CALN1: variants seen among roughly 807,000 people sequenced by gnomAD.
CALN1 encodes calneuron 1.
A neutral mutation model predicts 30.6 loss-of-function variants in CALN1; 17 were observed. That is an observed-to-expected ratio of 0.56 (90% CI 0.38 to 0.83). The LOEUF is 0.83. CALN1 is among the 40% of genes least tolerant of loss of function. The pLI, the probability that CALN1 is intolerant of heterozygous loss-of-function variation, is 0.00. For missense variants in CALN1, 291 were observed against 354.9 expected (o/e 0.82, Z 1.45); for synonymous variants, 156 against 131.4 (o/e 1.19, Z -1.28).
intron 5 of CALN1, among the ~76,000 whole-genome samples, chr7:72,013,251 T>A (rs1800191599): frequency 7.1e-6 from 1 of 141,466 alleles, no homozygotes; most frequent in Non-Finnish European, 1.5e-5. Flanking sequence ...TTTGAGATTT[T>A]TTTTTTTTTT....
chr7:72,390,535 G>C (rs539605614), intron 2 of CALN1, among the ~76,000 whole-genome samples: 2 of 152,214 alleles, frequency 1.3e-5, no homozygotes, highest in African/African-American at 4.8e-5. Context: ...GAATTCAAGA[G>C]GTCCACAAAT....
intron 5 of CALN1, among the ~76,000 whole-genome samples, chr7:72,016,476 G>A (rs1800386223): frequency 1.3e-5 from 2 of 151,362 alleles, no homozygotes; most frequent in Admixed American, 1.3e-4. Context: ...TCCCTCTGTT[G>A]ACCAGGCAAG....
intron 5 of CALN1, among the ~76,000 whole-genome samples, chr7:71,859,084 G>T (rs1211372491): frequency 1.3e-5 from 2 of 151,910 alleles, no homozygotes; most frequent in African/African-American, 4.8e-5. Flanking sequence ...TGTTTTTGGA[G>T]ACAGAGTTTT....
At chr7:71,900,031 C>A (rs1793762954) in intron 5 of CALN1, among the ~76,000 whole-genome samples, 1 of 152,134 alleles carries the variant, frequency 6.6e-6, no homozygotes, top group Non-Finnish European at 1.5e-5. Context: ...TAAAAACTTG[C>A]TAGACTTGTC....
intron 2 of CALN1, among the ~76,000 whole-genome samples, chr7:72,387,961 G>C (rs1805339907): frequency 6.6e-6 from 1 of 152,122 alleles, no homozygotes; most frequent in Non-Finnish European, 1.5e-5. Flanking sequence ...GTGTTCTATT[G>C]CACAGTAAAG....
chr7:72,431,995 G>A (rs568505748), intron 1 of CALN1, among the ~76,000 whole-genome samples: 7 of 152,218 alleles, frequency 4.6e-5, no homozygotes, highest in South Asian at 4.2e-4. Flanking sequence ...GAGACTGTTC[G>A]GGACACTATT....
intron 5 of CALN1, among the ~76,000 whole-genome samples, chr7:71,953,604 TTCATAATAGC>T (rs1288290580): frequency 3.3e-5 from 5 of 152,172 alleles, no homozygotes; most frequent in Non-Finnish European, 5.9e-5. Flanking sequence ...GCATTTTACC[TTCATAATAGC>T]TCTTTTGAGA....
At chr7:71,970,484 C>T (rs1584640067) in intron 5 of CALN1, among the ~76,000 whole-genome samples, 1 of 152,072 alleles carries the variant, frequency 6.6e-6, no homozygotes, top group African/African-American at 2.4e-5. Flanking sequence ...AAAGGCTATA[C>T]CAAGAAGACA....
chr7:72,268,972 A>C (rs1796782777), intron 3 of CALN1, among the ~76,000 whole-genome samples: 1 of 152,212 alleles, frequency 6.6e-6, no homozygotes, highest in Non-Finnish European at 1.5e-5. Context: ...AGGCAGCACA[A>C]GATTACAATT....
chr7:71,848,481 A>C (rs966458821), intron 5 of CALN1, among the ~76,000 whole-genome samples: 1 of 152,210 alleles, frequency 6.6e-6, no homozygotes, highest in Non-Finnish European at 1.5e-5. Flanking sequence ...CAGGAAAATA[A>C]AACCCCGTAG....
intron 1 of CALN1, among the ~76,000 whole-genome samples, chr7:72,436,427 C>T (rs974583942): frequency 6.6e-6 from 1 of 152,178 alleles, no homozygotes; most frequent in African/African-American, 2.4e-5. Flanking sequence ...TCTCCAGCCA[C>T]GTGGAACTGT....
chr7:71,874,664 C>T (rs1792139432), intron 5 of CALN1, among the ~76,000 whole-genome samples: 1 of 152,276 alleles, frequency 6.6e-6, no homozygotes, highest in Middle Eastern at 3.4e-3. Context: ...TTCCCCGGGG[C>T]TAGTTCTGGC....
In CALN1 at chr7:71,923,434, G is replaced by A. The variant is rs536845093; in HGVS notation, c.501+100223C>T. 1.7e-3 allele frequency among the ~76,000 whole-genome samples: 262 copies of A among 152,262 alleles called. 3 individuals are homozygous for A. The highest frequency in any genetic ancestry group is 5.8e-4 in the East Asian group (3 of 5,184). On this transcript the variant is annotated intron_variant, in intron 5 of 6. Transcript: ENST00000395275. The stretch of plus-strand genomic sequence containing the variant: ...GCTCCCCTATGCACTTGTGATTAAA[G>A]GGGGAAGAAAACATTTGTGATTCAT...
At chr7:71,877,816 C>T (rs1269201246) in intron 5 of CALN1, among the ~76,000 whole-genome samples, 3 of 152,000 alleles carry the variant, frequency 2.0e-5, no homozygotes, top group Non-Finnish European at 4.4e-5. Context: ...AAATACATGC[C>T]CATGAATAGG....
At chr7:71,879,741 A>G (rs1475176674) in intron 5 of CALN1, among the ~76,000 whole-genome samples, 4 of 152,206 alleles carry the variant, frequency 2.6e-5, no homozygotes, top group Non-Finnish European at 4.4e-5. Context: ...CCTGCAAAGA[A>G]GGACCAAAAG....
At chr7:72,453,324 G>A in the CALN1 span, among the ~76,000 whole-genome samples, 1 of 152,208 alleles carries the variant, frequency 6.6e-6, no homozygotes, top group African/African-American at 2.4e-5. Flanking sequence ...TCAGCTCAGG[G>A]GCAGTGCTGC....
intron 3 of CALN1, among the ~76,000 whole-genome samples, chr7:72,145,248 A>G (rs1038795905): frequency 6.6e-6 from 1 of 152,200 alleles, no homozygotes; most frequent in African/African-American, 2.4e-5. Flanking sequence ...AAGCAAAGAG[A>G]GAAGAATCAA....
chr7:72,400,747 T>A (rs577826020), intron 2 of CALN1, among the ~76,000 whole-genome samples: 11 of 152,346 alleles, frequency 7.2e-5, no homozygotes, highest in African/African-American at 9.6e-5. Context: ...TGGCCACCTG[T>A]AATCCCAAAG....
chr7:72,145,534 C>T (rs1376461263), intron 3 of CALN1, among the ~76,000 whole-genome samples: 1 of 152,096 alleles, frequency 6.6e-6, no homozygotes. Context: ...CCGAATTCTA[C>T]CAGAGGTACA....
Sources: gnomAD v4.1 joint callset for allele counts (sites outside exome capture counted in the v4.1 genomes callset) on GRCh38, gnomAD v4.1.1 for gene constraint, MANE v1.5 for transcripts, NCBI Gene and HGNC (gene_info 2026-07-23, HGNC 2026-07-21) for gene names.